Variants in STPG2 observed in about 807,000 individuals in gnomAD.
STPG2 encodes the protein sperm tail PG-rich repeat containing 2, also known as sperm-tail PG-rich repeat-containing protein 2.
STPG2 carries 56 observed loss-of-function variants against 54.2 expected under a neutral mutation model. The observed-to-expected ratio is 1.03, with a 90% CI of 0.83 to 1.29. The LOEUF is 1.29. Ranked by LOEUF, STPG2 falls within the 50% of genes most tolerant of loss-of-function variation. STPG2 has a pLI of 0.00. For synonymous variants in STPG2, 200 were observed against 181.8 expected, an observed-to-expected ratio of 1.10 and a Z score of -0.81; for missense variants, 596 against 544.9, an observed-to-expected ratio of 1.09 and a Z score of -0.93.
chr4:97,882,569 T>C (rs1730417419), intron 8 of STPG2, among the ~76,000 whole-genome samples: 1 of 152,130 alleles, frequency 6.6e-6, no homozygotes, highest in Admixed American at 6.6e-5. Flanking sequence ...GCTAGGACAA[T>C]GTAGACTACC....
intron 8 of STPG2, among the ~76,000 whole-genome samples, chr4:97,925,433 A>G (rs969810280): frequency 6.6e-6 from 1 of 152,234 alleles, no homozygotes; most frequent in African/African-American, 2.4e-5. Context: ...CAGGAAGTAT[A>G]TAAGTTCACT....
At chr4:97,747,054 T>G (rs968809415) in intron 9 of STPG2, among the ~76,000 whole-genome samples, 1 of 151,104 alleles carries the variant, frequency 6.6e-6, no homozygotes, top group Non-Finnish European at 1.5e-5. Flanking sequence ...CCCAAAAGTC[T>G]TCTCTTTAGG....
chr4:97,992,277 A>T (rs962352756), intron 5 of STPG2, among the ~76,000 whole-genome samples: 8 of 152,178 alleles, frequency 5.3e-5, no homozygotes, highest in Non-Finnish European at 8.8e-5. Context: ...ATTTTTGTAT[A>T]CAATGAGAGA....
chr4:97,776,372 T>C (rs1726375595), intron 9 of STPG2, among the ~76,000 whole-genome samples: 1 of 152,208 alleles, frequency 6.6e-6, no homozygotes, highest in Non-Finnish European at 1.5e-5. Flanking sequence ...GATTCAATTC[T>C]GGAAGTCTGG....
At chr4:98,076,050 C>G (rs1018629453) in intron 5 of STPG2, among the ~76,000 whole-genome samples, 2 of 152,128 alleles carry the variant, frequency 1.3e-5, no homozygotes, top group African/African-American at 4.8e-5. Flanking sequence ...TGAGACCATC[C>G]TGGCTAACAT....
chr4:97,748,045 G>A (rs1725474998), intron 9 of STPG2, among the ~76,000 whole-genome samples: 1 of 151,316 alleles, frequency 6.6e-6, no homozygotes, highest in Admixed American at 6.6e-5. Flanking sequence ...TTCTACATTT[G>A]TTCATTTTCA....
intron 5 of STPG2, among the ~76,000 whole-genome samples, chr4:97,998,077 G>A (rs1735299759): frequency 6.6e-6 from 1 of 152,164 alleles, no homozygotes; most frequent in African/African-American, 2.4e-5. Flanking sequence ...GTTCGGTGAT[G>A]ATAAAATAAT....
intron 10 of STPG2, among the ~76,000 whole-genome samples, chr4:97,585,499 G>A (rs1024021441): frequency 3.3e-5 from 5 of 151,922 alleles, no homozygotes; most frequent in Middle Eastern, 3.4e-3. Context: ...CCCCTCCCTT[G>A]CCCATCTAAA....
At chr4:97,910,441 C>A (rs912776182) in intron 8 of STPG2, among the ~76,000 whole-genome samples, 1 of 152,142 alleles carries the variant, frequency 6.6e-6, no homozygotes, top group Non-Finnish European at 1.5e-5. Flanking sequence ...ATTAAATTAT[C>A]ATGTGGAATA....
At chr4:98,022,414 T>A (rs1388458288) in intron 5 of STPG2, among the ~76,000 whole-genome samples, 1 of 152,016 alleles carries the variant, frequency 6.6e-6, no homozygotes, top group African/African-American at 2.4e-5. Flanking sequence ...CTTCCCTTTG[T>A]GGGTAACGTG....
intron 9 of STPG2, among the ~76,000 whole-genome samples, chr4:97,776,180 T>C (rs755218776): frequency 8.5e-5 from 13 of 152,240 alleles, no homozygotes; most frequent in Non-Finnish European, 1.8e-4. Context: ...CATGTATGTA[T>C]ATACACATAA....
chr4:97,738,888 C>T (rs1725118589), intron 9 of STPG2, among the ~76,000 whole-genome samples: 1 of 152,082 alleles, frequency 6.6e-6, no homozygotes, highest in East Asian at 1.9e-4. Context: ...GAACTCTCCA[C>T]CCCAAATCAA....
chr4:97,688,893 TG>T (rs560401246), intron 10 of STPG2, among the ~76,000 whole-genome samples: 272 of 152,310 alleles, frequency 1.8e-3, no homozygotes, highest in African/African-American at 6.4e-3. Flanking sequence ...TCCTTCACTC[TG>T]GAAAGAGATC....
chr4:98,130,103 G>A (rs541758963), intron 2 of STPG2, among the ~76,000 whole-genome samples: 3 of 151,958 alleles, frequency 2.0e-5, no homozygotes, highest in South Asian at 2.1e-4. Context: ...CAGGTGATCC[G>A]CCCACCTCAG....
chr4:97,867,677 C>T (rs972522813), intron 8 of STPG2, among the ~76,000 whole-genome samples: 1 of 152,004 alleles, frequency 6.6e-6, no homozygotes, highest in Non-Finnish European at 1.5e-5. Flanking sequence ...GGAAAGTTGG[C>T]AGTCCAGGAC....
intron 8 of STPG2, among the ~76,000 whole-genome samples, chr4:97,906,946 A>G (rs1228298753): frequency 6.6e-6 from 1 of 151,142 alleles, no homozygotes; most frequent in Non-Finnish European, 1.5e-5. Flanking sequence ...ATTCCCTTTG[A>G]AAACTGGCAC....
intron 10 of STPG2, among the ~76,000 whole-genome samples, chr4:97,611,374 A>G (rs1733726549): frequency 6.6e-6 from 1 of 151,930 alleles, no homozygotes; most frequent in Admixed American, 6.6e-5. Context: ...AAAAACAGAT[A>G]AAACTCACCT....
At chr4:98,131,670 CA>C (rs1740001094) in intron 2 of STPG2, among the ~76,000 whole-genome samples, 2 of 152,122 alleles carry the variant, frequency 1.3e-5, no homozygotes, top group African/African-American at 2.4e-5. Context: ...GCATTTATTT[CA>C]AAGAGGTAGC....
chr4:98,128,648 G>T, intron 2 of STPG2, 56 bp from the exon 3 acceptor site: 3 of 1,365,520 alleles, frequency 2.2e-6, no homozygotes, highest in Admixed American at 2.7e-5. Context: ...GGGGAATGAA[G>T]AACCAAATAT....
Sources: gnomAD v4.1 joint callset for allele counts (sites outside exome capture counted in the v4.1 genomes callset) on GRCh38, gnomAD v4.1.1 for gene constraint, MANE v1.5 for transcripts, NCBI Gene and HGNC (gene_info 2026-07-23, HGNC 2026-07-21) for gene names.